The following NYAP2 variants were observed in gnomAD, a reference collection of about 807,000 sequenced individuals.
NYAP2 encodes neuronal tyrosine-phosphorylated phosphoinositide-3-kinase adapter 2.
In NYAP2, 23 loss-of-function variants were observed where a neutral mutation model predicts 50.4. The observed-to-expected ratio is 0.46, with a 90% CI of 0.33 to 0.65. The LOEUF is 0.65. NYAP2 is among the 30% of genes least tolerant of loss of function. The pLI, the probability that NYAP2 is intolerant of heterozygous loss-of-function variation, is 0.02. For missense variants in NYAP2, 885 were observed against 861.0 expected (o/e 1.03, Z -0.35); for synonymous variants, 394 against 365.2 (o/e 1.08, Z -0.90).
chr2:225,415,843 C>T (rs1332972569), intron 3 of NYAP2, among the ~76,000 whole-genome samples: 1 of 151,838 alleles, frequency 6.6e-6, no homozygotes, highest in African/African-American at 2.4e-5. Flanking sequence ...ACAGGTAGCA[C>T]AGAAATACTG....
intron 6 of NYAP2, among the ~76,000 whole-genome samples, chr2:225,633,829 T>C (rs1341831965): frequency 1.3e-5 from 2 of 152,254 alleles, no homozygotes; most frequent in East Asian, 1.9e-4. Flanking sequence ...ATTCAATTTT[T>C]AGAAAACAAT....
chr2:225,694,868 G>C, the NYAP2 span, among the ~76,000 whole-genome samples: 1 of 151,544 alleles, frequency 6.6e-6, no homozygotes, highest in Non-Finnish European at 1.5e-5. Flanking sequence ...TTTCATGGAA[G>C]TTTATATATT....
chr2:225,644,445 A>G (rs1693592097), intron 6 of NYAP2, among the ~76,000 whole-genome samples: 1 of 151,562 alleles, frequency 6.6e-6, no homozygotes, highest in Admixed American at 6.6e-5. Flanking sequence ...CTTTAGTTTA[A>G]TGAGATCCCA....
intron 4 of NYAP2, among the ~76,000 whole-genome samples, chr2:225,577,427 AC>A (rs1239389570): frequency 6.6e-6 from 1 of 152,058 alleles, no homozygotes; most frequent in Admixed American, 6.6e-5. Flanking sequence ...ATTTTTAAGT[AC>A]CTTATAAAGA....
At chr2:225,588,326 T>G (rs1404561759) in intron 5 of NYAP2, among the ~76,000 whole-genome samples, 1 of 152,064 alleles carries the variant, frequency 6.6e-6, no homozygotes, top group African/African-American at 2.4e-5. Flanking sequence ...AGATATCATC[T>G]TTGCCTTTTC....
intron 6 of NYAP2, among the ~76,000 whole-genome samples, chr2:225,638,707 G>A (rs920451487): frequency 1.3e-5 from 2 of 152,202 alleles, no homozygotes; most frequent in African/African-American, 2.4e-5. Flanking sequence ...AGAAGACAGA[G>A]CTTCAGTGTC....
chr2:225,424,820 C>T (rs1012376927), intron 3 of NYAP2, among the ~76,000 whole-genome samples: 13 of 152,102 alleles, frequency 8.5e-5, no homozygotes, highest in Non-Finnish European at 1.6e-4. Flanking sequence ...AATGTTAGCC[C>T]GTTCACTAAA....
At chr2:225,410,899 CATA>C (rs1695027926) in intron 3 of NYAP2, among the ~76,000 whole-genome samples, 1 of 152,102 alleles carries the variant, frequency 6.6e-6, no homozygotes. Context: ...CCTGTCATTA[CATA>C]ATAAGTGAGG....
upstream of NYAP2, among the ~76,000 whole-genome samples, chr2:225,398,368 C>G (rs1008086059): frequency 6.6e-6 from 1 of 151,980 alleles, no homozygotes. Context: ...AATATAGACC[C>G]CCAGACTGGC....
chr2:225,687,438 T>A, the NYAP2 span, among the ~76,000 whole-genome samples: 4 of 152,284 alleles, frequency 2.6e-5, no homozygotes, highest in South Asian at 8.3e-4. Flanking sequence ...TTTTATGATG[T>A]CACTGAAGAA....
At chr2:225,648,291 C>A (rs1449754754) in intron 6 of NYAP2, among the ~76,000 whole-genome samples, 2 of 152,122 alleles carry the variant, frequency 1.3e-5, no homozygotes, top group African/African-American at 4.8e-5. Flanking sequence ...TGAGCCACTG[C>A]ACCCGGCCCA....
chr2:225,515,426 G>C (rs917675230), intron 4 of NYAP2, among the ~76,000 whole-genome samples: 1 of 152,066 alleles, frequency 6.6e-6, no homozygotes, highest in African/African-American at 2.4e-5. Flanking sequence ...TACTCAGATT[G>C]ATTGTTTTGC....
intron 5 of NYAP2, among the ~76,000 whole-genome samples, chr2:225,589,071 T>C (rs1692442413): frequency 6.6e-6 from 1 of 152,188 alleles, no homozygotes; most frequent in African/African-American, 2.4e-5. Context: ...CTCTTTTCAC[T>C]CTTTTCCTAA....
chr2:225,471,979 A>G (rs369270184), intron 3 of NYAP2, among the ~76,000 whole-genome samples: 1 of 151,890 alleles, frequency 6.6e-6, no homozygotes, highest in Admixed American at 6.6e-5. Flanking sequence ...AGTACTTATT[A>G]TATTCCCTGA....
exon 3 of NYAP2, chr2:225,408,880 C>A: frequency 6.3e-7 from 1 of 1,599,152 alleles, no homozygotes; most frequent in Non-Finnish European, 8.6e-7. Flanking sequence ...TTCCTCTTTA[C>A]ATGATATCCT....
chr2:225,435,953 G>T (rs544575760), intron 3 of NYAP2, among the ~76,000 whole-genome samples: 2 of 152,238 alleles, frequency 1.3e-5, no homozygotes, highest in East Asian at 3.9e-4. Flanking sequence ...TTATGGGGTG[G>T]TTGCAATCAT....
intron 2 of NYAP2, among the ~76,000 whole-genome samples, chr2:225,407,360 A>G (rs1046089977): frequency 6.6e-6 from 1 of 152,060 alleles, no homozygotes; most frequent in Non-Finnish European, 1.5e-5. Flanking sequence ...ATTACAGCTT[A>G]ACATAAAACA....
the NYAP2 span, among the ~76,000 whole-genome samples, chr2:225,684,124 G>A: frequency 3.3e-5 from 5 of 152,312 alleles, no homozygotes; most frequent in South Asian, 1.0e-3. Flanking sequence ...ATTTTATTTA[G>A]ATGGTCTGGT....
At chr2:225,629,265 C>A (rs1399463141) in intron 6 of NYAP2, among the ~76,000 whole-genome samples, 2 of 152,126 alleles carry the variant, frequency 1.3e-5, no homozygotes. Context: ...GTAAATTTGC[C>A]CTTTATTCTC....
Sources: allele counts gnomAD v4.1 joint callset (sites outside exome capture counted in the v4.1 genomes callset), GRCh38; gene constraint gnomAD v4.1.1; transcripts MANE v1.5; gene names NCBI Gene and HGNC (gene_info 2026-07-23, HGNC 2026-07-21).